RFTN1: variants seen among roughly 807,000 people sequenced by gnomAD.
The protein encoded by RFTN1 is raftlin.
A neutral mutation model predicts 46.5 loss-of-function variants in RFTN1; 26 were observed. The observed-to-expected ratio is 0.56, with a 90% CI of 0.41 to 0.78. The LOEUF (loss-of-function observed/expected upper bound fraction) is 0.78. Ranked by LOEUF, RFTN1 falls within the 30% of genes least tolerant of loss-of-function variation. The probability of loss-of-function intolerance (pLI) is 0.00; values close to 1 mark genes in which losing one functional copy is unlikely to be tolerated. For missense variants in RFTN1, 693 were observed against 718.7 expected (o/e 0.96, Z 0.41); for synonymous variants, 261 against 284.2 (o/e 0.92, Z 0.82).
intron 2 of RFTN1, among the ~76,000 whole-genome samples, chr3:16,439,547 G>A (rs1172946057): frequency 1.3e-5 from 2 of 152,208 alleles, no homozygotes; most frequent in Non-Finnish European, 2.9e-5. Context: ...ATTTCAATTT[G>A]GAGGCTGAGG....
In RFTN1 at chr3:16,451,689, TA is replaced by T. The variant is rs66790338; in HGVS notation, c.146-17653del. ...AAGCACATGTCATGCACTGTGGCCA[TA>T]ACTTTTGCAGCCTGAGGTGTGACAG... On this transcript the variant is annotated intron_variant, in intron 2 of 9. Coordinates refer to ENST00000334133, the MANE Select transcript of RFTN1 (RefSeq NM_015150.2). This position sits in a 1 kb window ranked among gnomAD's most constrained non-coding sequence, Gnocchi z 4.2. 0.068 allele frequency among the ~76,000 whole-genome samples: 10,419 copies of T among 152,274 alleles called. 583 individuals carry two copies. The highest frequency in any genetic ancestry group is 0.22 in the East Asian group (1,137 of 5,182).
rs2073932511 is a variant in RFTN1, at chr3:16,380,062, C to T, written c.442-1960G>A. On this transcript the variant is annotated intron_variant, in intron 4 of 9. Coordinates refer to ENST00000334133, the MANE Select transcript of RFTN1 (RefSeq NM_015150.2). The surrounding 1 kb of genome is among the most constrained non-coding windows in gnomAD (Gnocchi z 4.8). ...TATGACTTCTGAAGCATTTTAATAA[C>T]TGCTTCCATGGAGGGCTCAACCATA... 1.3e-5 allele frequency among the ~76,000 whole-genome samples: 2 copies of T among 152,196 alleles called. No individual in the cohort carries two copies. Among genetic ancestry groups the T allele is most frequent in the African/African-American group, 2.4e-5 (1 of 41,452 alleles).
Position 16,447,615 on chromosome 3 carries a change from G to A in RFTN1, c.146-13578C>T, listed in dbSNP as rs2075755373. The stretch of plus-strand genomic sequence containing the variant: ...ATGTCCCTCCCAGCTGCCTTCTCAG[G>A]CATTCCAGTGAAAAAGAGAAAAGTT... On this transcript the variant is annotated intron_variant, in intron 2 of 9. Transcript: ENST00000334133. The surrounding 1 kb of genome is among the most constrained non-coding windows in gnomAD (Gnocchi z 5.9). Among the ~76,000 whole-genome samples the A allele has an allele frequency of 6.6e-6, 1 of 152,210 alleles. No homozygotes were observed. The highest frequency in any genetic ancestry group is 2.4e-5 in the African/African-American group (1 of 41,452).
At chr3:16,441,299 T>TAA (rs59877269) in intron 2 of RFTN1, among the ~76,000 whole-genome samples, 1,891 of 47,484 alleles carry the variant, frequency 0.04, 69 homozygotes, top group African/African-American at 0.12. Flanking sequence ...TTCCAAGAAC[T>TAA]AAAAAAAAAA....
At chr3:16,373,438 C>G (rs1204103777) in intron 5 of RFTN1, among the ~76,000 whole-genome samples, 2 of 152,330 alleles carry the variant, frequency 1.3e-5, no homozygotes, top group African/African-American at 2.4e-5. Context: ...AGCCTTGGAG[C>G]CTGGTCCATT....
chr3:16,508,722 ACC>A (rs1559382715), intron 1 of RFTN1, among the ~76,000 whole-genome samples: 2 of 150,236 alleles, frequency 1.3e-5, no homozygotes, highest in African/African-American at 5.0e-5. Flanking sequence ...ACACACACAC[ACC>A]CCTTTAAAAG....
chr3:16,442,945 C>T lies in RFTN1; in HGVS notation c.146-8908G>A, dbSNP rs563265196. Among the ~76,000 whole-genome samples the T allele has an allele frequency of 1.3e-5, 2 of 152,270 alleles. No individual in the cohort carries two copies. Among genetic ancestry groups the T allele is most frequent in the East Asian group, 3.9e-4 (2 of 5,184 alleles). On this transcript the variant is annotated intron_variant, in intron 2 of 9. Coordinates refer to ENST00000334133, the MANE Select transcript of RFTN1 (RefSeq NM_015150.2). This position sits in a 1 kb window ranked among gnomAD's most constrained non-coding sequence, Gnocchi z 4.1. Reference sequence around the variant, plus strand: ...TTTAAGGCTGAATAATACTCCATTGCATATATATACCATAGTTTATTTATC... The same window carrying T: ...TTTAAGGCTGAATAATACTCCATTGTATATATATACCATAGTTTATTTATC...
In RFTN1 at chr3:16,459,745, C is replaced by T. The variant is rs1275233193; in HGVS notation, c.146-25708G>A. 6.6e-6 allele frequency among the ~76,000 whole-genome samples: 1 copy of T among 151,484 alleles called. No individual in the cohort carries two copies. The highest frequency in any genetic ancestry group is 2.4e-5 in the African/African-American group (1 of 40,930). ...GCCATCACTTATATCTAGTCAATAT[C>T]ATCATGTTATAGAAAAAAGTTGAAA... On this transcript the variant is annotated intron_variant, in intron 2 of 9. Coordinates refer to ENST00000334133, the MANE Select transcript of RFTN1 (RefSeq NM_015150.2). This position sits in a 1 kb window ranked among gnomAD's most constrained non-coding sequence, Gnocchi z 4.2.
rs1260705847 is a variant in RFTN1 at position 16,385,869 on chromosome 3, G to A, written c.442-7767C>T. The stretch of plus-strand genomic sequence containing the variant: ...ATTCAGAACAGGATTCTGGAGCAAA[G>A]ACGACCTTGGCCCATGAGAACTGCC... On this transcript the variant is annotated intron_variant, in intron 4 of 9. Transcript: ENST00000334133. This position sits in a 1 kb window ranked among gnomAD's most constrained non-coding sequence, Gnocchi z 5.0. 6.6e-6 allele frequency among the ~76,000 whole-genome samples: 1 copy of A among 152,180 alleles called. No individual in the cohort carries two copies. The highest frequency in any genetic ancestry group is 1.5e-5 in the Non-Finnish European group (1 of 68,018).
At position 16,334,706 on chromosome 3, in the gene RFTN1, TAGAC is replaced by T. The variant is rs1410515043; in HGVS notation, c.1147-7834_1147-7831del. On this transcript the variant is annotated intron_variant, in intron 7 of 9. Coordinates refer to ENST00000334133, the MANE Select transcript of RFTN1 (RefSeq NM_015150.2). The surrounding 1 kb of genome is among the most constrained non-coding windows in gnomAD (Gnocchi z 4.3). ...GGCAACTAAATGAAACAGCCTGTGGTAGACAGAATAATGGCCCCAAAGATGTCTA... is the reference window on the plus strand; with the variant it reads ...GGCAACTAAATGAAACAGCCTGTGGTAGAATAATGGCCCCAAAGATGTCTA... Among the ~76,000 whole-genome samples the T allele has an allele frequency of 6.6e-6, 1 of 152,192 alleles. No homozygotes were observed. Among genetic ancestry groups the T allele is most frequent in the Admixed American group, 6.5e-5 (1 of 15,276 alleles).
intron 2 of RFTN1, among the ~76,000 whole-genome samples, chr3:16,455,548 G>C (rs988519116): frequency 6.6e-6 from 1 of 152,144 alleles, no homozygotes; most frequent in Non-Finnish European, 1.5e-5. Context: ...ATTCTAAATA[G>C]GGGAGCATTC....
intron 2 of RFTN1, among the ~76,000 whole-genome samples, chr3:16,435,423 A>C (rs2075486183): frequency 6.6e-6 from 1 of 151,896 alleles, no homozygotes; most frequent in South Asian, 2.1e-4. Context: ...ATAAAAAATT[A>C]GTCCGGTGTG....
chr3:16,434,403 AAAACC>A (rs1281438584), intron 2 of RFTN1, among the ~76,000 whole-genome samples: 6 of 129,454 alleles, frequency 4.6e-5, no homozygotes, highest in African/African-American at 1.6e-4. Flanking sequence ...CAAAAACAAA[AAAACC>A]CCCTCAAAAT....
chr3:16,508,354 C>G (rs1377422666), intron 1 of RFTN1, among the ~76,000 whole-genome samples: 2 of 152,232 alleles, frequency 1.3e-5, no homozygotes, highest in Admixed American at 6.5e-5. Flanking sequence ...TCCTCCATCT[C>G]AGTCCTGGCA....
chr3:16,488,341 C>T (rs2076484904), intron 2 of RFTN1, among the ~76,000 whole-genome samples: 1 of 152,092 alleles, frequency 6.6e-6, no homozygotes. Flanking sequence ...TCAGGTGATC[C>T]CCCTGCCTCG....
chr3:16,437,616 G>A (rs1008071184), intron 2 of RFTN1, among the ~76,000 whole-genome samples: 1 of 151,984 alleles, frequency 6.6e-6, no homozygotes, highest in Non-Finnish European at 1.5e-5. Flanking sequence ...AGCTGAGATC[G>A]CACCACTGCA....
At chr3:16,453,929 A>C (rs931083150) in intron 2 of RFTN1, among the ~76,000 whole-genome samples, 9 of 152,264 alleles carry the variant, frequency 5.9e-5, no homozygotes, top group Non-Finnish European at 2.9e-5. Context: ...CAAATAATGC[A>C]AAATGCAAAT....
rs781445516 is a variant in RFTN1, at chr3:16,377,919, C to T, written c.625G>A (p.Asp209Asn). ...CTCCCAGCCGGAGCACTGCACACAT[C>T]CCCAGTCCCCGGTTTCTCATTCTCC... ...SLENEKPGTG[D>N]VCSAPAGRNQ... The change falls in exon 5 of 10, where the codon GAT becomes AAT. Residue 209 changes from aspartate to asparagine, a missense_variant. Asp to Asn is a conservative substitution (Grantham distance 23). Coordinates refer to ENST00000334133, the MANE Select transcript of RFTN1 (RefSeq NM_015150.2). The T allele has an allele frequency of 1.2e-6, 2 of 1,614,242 alleles. No individual in the cohort carries two copies. The highest frequency in any genetic ancestry group is 1.7e-6 in the Non-Finnish European group (2 of 1,180,052).
rs1039969395 is a variant in RFTN1 at position 16,315,975 on chromosome 3, T to G, written c.*853A>C. The G allele has an allele frequency of 1.3e-5, 2 of 152,214 alleles. No homozygotes were observed. Among genetic ancestry groups the G allele is most frequent in the African/African-American group, 4.8e-5 (2 of 41,430 alleles). 9.4% of individuals were successfully genotyped at this position (152,214 alleles called of 1,614,324 possible). ...TCGCCAGTTGCATCTACCTAAAGCC[T>G]TAATACTTTCTGGACGATATACACA... On this transcript the variant is annotated 3_prime_UTR_variant, in exon 10 of 10. Transcript: ENST00000334133.
Sources: allele counts gnomAD v4.1 joint callset (sites outside exome capture counted in the v4.1 genomes callset), GRCh38; gene constraint gnomAD v4.1.1; non-coding constraint Gnocchi (gnomAD v3.1); transcripts MANE v1.5; gene names NCBI Gene and HGNC (gene_info 2026-07-23, HGNC 2026-07-21).